The following MOXD1 variants were observed in gnomAD, a reference collection of about 807,000 sequenced individuals.
MOXD1 encodes monooxygenase DBH like 1, also known as DBH-like monooxygenase protein 1.
MOXD1 carries 62 observed loss-of-function variants against 66.6 expected under a neutral mutation model. The observed-to-expected ratio is 0.93, with a 90% CI of 0.76 to 1.15. MOXD1 has a LOEUF of 1.15. Ranked by LOEUF, MOXD1 falls within the 50% of genes most tolerant of loss-of-function variation. The pLI is 0.00. For synonymous variants in MOXD1, 303 were observed against 281.9 expected (o/e 1.07, Z -0.75); for missense variants, 847 against 754.6 (o/e 1.12, Z -1.44).
intron 4 of MOXD1, among the ~76,000 whole-genome samples, chr6:132,345,294 A>C: frequency 6.6e-6 from 1 of 152,136 alleles, no homozygotes; most frequent in East Asian, 1.9e-4. Flanking sequence ...GTTTTTGAGA[A>C]TTTCTGTGTC....
At chr6:132,331,976 G>A (rs1775329039) in intron 4 of MOXD1, among the ~76,000 whole-genome samples, 1 of 152,134 alleles carries the variant, frequency 6.6e-6, no homozygotes, top group Non-Finnish European at 1.5e-5. Context: ...CACTAGCAGG[G>A]ACCACCACAT....
At chr6:132,374,170 T>C (rs1375630770) in intron 2 of MOXD1, among the ~76,000 whole-genome samples, 1 of 152,228 alleles carries the variant, frequency 6.6e-6, no homozygotes, top group Non-Finnish European at 1.5e-5. Context: ...TCTCATTTAA[T>C]ATACCAATAG....
intron 4 of MOXD1, among the ~76,000 whole-genome samples, chr6:132,340,441 CTTTTTTTT>C (rs71868555): frequency 0.063 from 6,657 of 106,354 alleles, 205 homozygotes; most frequent in Non-Finnish European, 0.09. Flanking sequence ...GCAACACTTT[CTTTTTTTT>C]TTTTTTTTTT....
intron 9 of MOXD1, among the ~76,000 whole-genome samples, chr6:132,320,135 T>C (rs1196117915): frequency 1.3e-5 from 2 of 152,172 alleles, no homozygotes; most frequent in Non-Finnish European, 2.9e-5. Flanking sequence ...GTGGGAGGTG[T>C]TCCCTCTTTT....
Position 132,323,961 on chromosome 6 carries a change from C to T in MOXD1, c.1083G>A (p.Glu361=), listed in dbSNP as rs148063359. The T allele has an allele frequency of 2.5e-6, 4 of 1,613,180 alleles. No individual in the cohort carries two copies. The highest frequency in any genetic ancestry group is 1.3e-5 in the African/African-American group (1 of 74,840). ...IPPGMPEFQS[E]GHCTLECLEE... ...CCAGGCACTCCAAAGTGCAGTGACC[C>T]TCAGACTGGAACTCAGGCATCCCTG... is the stretch of plus-strand genomic sequence containing the variant. The change falls in exon 7 of 12, where the codon GAG becomes GAA. Residue 361 remains glutamate (E), a synonymous_variant. Coordinates refer to ENST00000367963, the MANE Select transcript of MOXD1 (RefSeq NM_015529.4).
intron 4 of MOXD1, among the ~76,000 whole-genome samples, chr6:132,366,830 C>T (rs895199351): frequency 5.3e-5 from 8 of 152,066 alleles, no homozygotes; most frequent in African/African-American, 1.9e-4. Flanking sequence ...ATGTTAGGTG[C>T]CTACTATAGG....
intron 4 of MOXD1, among the ~76,000 whole-genome samples, chr6:132,352,456 A>G (rs539236348): frequency 6.6e-6 from 1 of 152,250 alleles, no homozygotes; most frequent in South Asian, 2.1e-4. Context: ...GGTTCTGTTT[A>G]GAGTTGATTT....
intron 4 of MOXD1, among the ~76,000 whole-genome samples, chr6:132,332,537 T>C (rs530629030): frequency 6.6e-6 from 1 of 152,222 alleles, no homozygotes; most frequent in East Asian, 1.9e-4. Context: ...CAGACCACCA[T>C]GGGGATATTA....
intron 6 of MOXD1, among the ~76,000 whole-genome samples, chr6:132,324,706 T>G (rs1775151059): frequency 6.6e-6 from 1 of 152,176 alleles, no homozygotes; most frequent in Admixed American, 6.5e-5. Context: ...AAGACACACT[T>G]GTCGTTATGA....
At chr6:132,384,241 T>TCTTCCTTCCTTCCTTC (rs149111930) in intron 1 of MOXD1, among the ~76,000 whole-genome samples, 5 of 112,404 alleles carry the variant, frequency 4.4e-5, no homozygotes, top group African/African-American at 1.4e-4. Flanking sequence ...TCCCTCCCTC[T>TCTTCCTTCCTTCCTTC]CTTCCTTCCT....
chr6:132,367,600 G>T (rs925230279), intron 4 of MOXD1, among the ~76,000 whole-genome samples: 1 of 152,004 alleles, frequency 6.6e-6, no homozygotes, highest in African/African-American at 2.4e-5. Flanking sequence ...CTAAATGGGA[G>T]TTTTCAATGA....
rs1350202924 is a variant in MOXD1, at chr6:132,323,934, T to C, written c.1110A>G (p.Glu370=). The C allele has an allele frequency of 5.0e-6, 8 of 1,606,788 alleles. No homozygotes were observed. In the South Asian group the frequency reaches 6.7e-5, roughly 13 times the overall value. ...SEGHCTLECL[E]EALEAEKPSG... is the part of the protein sequence containing the mutation. The stretch of plus-strand genomic sequence containing the variant: ...CTCAGACTCAGATGCTGCATACCTC[T>C]TCCAGGCACTCCAAAGTGCAGTGAC... The change falls in exon 7 of 12, where the codon GAA becomes GAG. Residue 370 remains glutamate, a synonymous_variant. Transcript: ENST00000367963.
At chr6:132,346,032 T>A (rs867552773) in intron 4 of MOXD1, among the ~76,000 whole-genome samples, 3 of 151,966 alleles carry the variant, frequency 2.0e-5, no homozygotes, top group South Asian at 2.1e-4. Context: ...TGTGGGTCTG[T>A]TTTTTTGTTG....
chr6:132,343,254 T>A (rs1775600352), intron 4 of MOXD1, among the ~76,000 whole-genome samples: 1 of 151,902 alleles, frequency 6.6e-6, no homozygotes, highest in African/African-American at 2.4e-5. Context: ...AACAAAATGG[T>A]GAAAATGGGC....
chr6:132,393,518 C>T (rs1776811685), intron 1 of MOXD1, among the ~76,000 whole-genome samples: 1 of 152,140 alleles, frequency 6.6e-6, no homozygotes, highest in East Asian at 1.9e-4. Flanking sequence ...ACCAAGTGGT[C>T]CACATTCCTG....
intron 4 of MOXD1, among the ~76,000 whole-genome samples, chr6:132,360,261 A>G (rs1775989826): frequency 6.6e-6 from 1 of 152,202 alleles, no homozygotes; most frequent in South Asian, 2.1e-4. Flanking sequence ...TACTTTTTAA[A>G]TAGATCATCT....
At chr6:132,359,555 C>T (rs1301755426) in intron 4 of MOXD1, among the ~76,000 whole-genome samples, 2 of 146,584 alleles carry the variant, frequency 1.4e-5, no homozygotes, top group African/African-American at 5.1e-5. Context: ...GGCGCGATCT[C>T]GGCTCACTGC....
intron 4 of MOXD1, among the ~76,000 whole-genome samples, chr6:132,356,029 G>A (rs778826828): frequency 1.3e-5 from 2 of 152,184 alleles, no homozygotes; most frequent in Non-Finnish European, 2.9e-5. Flanking sequence ...ATTCACAACA[G>A]GCAAAATTAG....
chr6:132,361,339 C>A (rs1254714799), intron 4 of MOXD1, among the ~76,000 whole-genome samples: 2 of 150,928 alleles, frequency 1.3e-5, no homozygotes, highest in East Asian at 1.9e-4. Flanking sequence ...AAACAGCAAG[C>A]AATGCATCAA....
Sources: gnomAD v4.1 joint callset for allele counts (sites outside exome capture counted in the v4.1 genomes callset) on GRCh38, gnomAD v4.1.1 for gene constraint, MANE v1.5 for transcripts, NCBI Gene and HGNC (gene_info 2026-07-23, HGNC 2026-07-21) for gene names.